Variants in BRDT observed in about 807,000 individuals in gnomAD.
The protein encoded by BRDT is bromodomain testis-specific protein.
Under a neutral mutation model 113.9 loss-of-function variants are expected in BRDT, and 77 were observed. The observed-to-expected ratio is 0.68, with a 90% CI of 0.56 to 0.82. The LOEUF is 0.82. Ranked by LOEUF, BRDT falls within the 40% of genes least tolerant of loss-of-function variation. The probability of loss-of-function intolerance (pLI) is 0.00; values close to 1 mark genes in which losing one functional copy is unlikely to be tolerated. For synonymous variants in BRDT, 358 were observed against 366.5 expected, an observed-to-expected ratio of 0.98 and a Z score of 0.26; for missense variants, 1,027 against 1,105.4, an observed-to-expected ratio of 0.93 and a Z score of 1.01.
rs1389686832 is a variant in BRDT at position 92,002,144 on chromosome 1, C to G, written c.2383C>G (p.Gln795Glu). The change falls in exon 16 of 19, where the codon CAG (glutamine) becomes GAG (glutamate). Residue 795 changes from glutamine (Q) to glutamate (E), a missense_variant. Coordinates refer to ENST00000399546, the MANE Select transcript of BRDT (RefSeq NM_207189.4). ...MLESECQAPV[Q>E]KDIKIKNADS... ...AGAATCTGAATGTCAAGCTCCTGTA[C>G]AGAAGGTAAAAGTAATTTTTTTTTT... is the stretch of plus-strand genomic sequence containing the variant. The G allele has an allele frequency of 6.2e-6, 10 of 1,608,990 alleles. No individual in the cohort carries two copies. Among genetic ancestry groups the G allele is most frequent in the Non-Finnish European group, 8.5e-6 (10 of 1,176,478 alleles).
chr1:91,961,368 G>T (rs1398727248), intron 1 of BRDT, among the ~76,000 whole-genome samples: 2 of 151,930 alleles, frequency 1.3e-5, no homozygotes, highest in East Asian at 3.9e-4. Context: ...AGTGGCTCAA[G>T]GCTGTAATCT....
intron 1 of BRDT, among the ~76,000 whole-genome samples, chr1:91,955,572 AAT>A (rs1308148131): frequency 1.3e-5 from 2 of 152,236 alleles, no homozygotes; most frequent in Non-Finnish European, 2.9e-5. Context: ...GGGAAAGTGA[AAT>A]AGTAAAATTG....
chr1:92,001,218 G>A (rs1404965332), intron 15 of BRDT, among the ~76,000 whole-genome samples: 1 of 152,170 alleles, frequency 6.6e-6, no homozygotes, highest in Non-Finnish European at 1.5e-5. Flanking sequence ...CCACCTCTAG[G>A]CTGGGCGCGT....
At chr1:91,963,579 A>G (rs1682733148) in intron 2 of BRDT, among the ~76,000 whole-genome samples, 3 of 152,166 alleles carry the variant, frequency 2.0e-5, no homozygotes, top group Non-Finnish European at 4.4e-5. Flanking sequence ...CATCACATAC[A>G]GAATTTGACT....
chr1:91,978,047 G>A, intron 6 of BRDT, 121 bp from the exon 7 acceptor site: 1 of 951,112 alleles, frequency 1.1e-6, no homozygotes, highest in Non-Finnish European at 1.5e-6. Flanking sequence ...GTCAAATCTG[G>A]ATGGTGGACA....
At chr1:91,958,834 T>G (rs918187677) in intron 1 of BRDT, among the ~76,000 whole-genome samples, 5 of 152,082 alleles carry the variant, frequency 3.3e-5, no homozygotes, top group Non-Finnish European at 7.4e-5. Flanking sequence ...GAGGGCAGAT[T>G]GCTTGAGCTC....
chr1:91,998,459 A>G (rs886275189), intron 15 of BRDT, among the ~76,000 whole-genome samples: 1 of 152,210 alleles, frequency 6.6e-6, no homozygotes, highest in African/African-American at 2.4e-5. Context: ...ACAAACCTGC[A>G]CATTCTGCGC....
At chr1:91,986,321 GAAA>G (rs572769233) in intron 12 of BRDT, among the ~76,000 whole-genome samples, 3 of 150,682 alleles carry the variant, frequency 2.0e-5, no homozygotes, top group African/African-American at 7.3e-5. Context: ...ATGATACTGA[GAAA>G]AAAAAATCAA....
At chr1:92,005,367 T>C in intron 18 of BRDT, 68 bp downstream of exon 18, 4 of 1,379,632 alleles carry the variant, frequency 2.9e-6, no homozygotes, top group Non-Finnish European at 3.8e-6. Flanking sequence ...CTGTCTTTTG[T>C]ATGTTCAAGG....
chr1:91,954,060 C>G (rs1380137292), intron 1 of BRDT, among the ~76,000 whole-genome samples: 1 of 152,084 alleles, frequency 6.6e-6, no homozygotes, highest in Non-Finnish European at 1.5e-5. Flanking sequence ...CAACCTCCCC[C>G]TCCGGGATTC....
intron 15 of BRDT, among the ~76,000 whole-genome samples, chr1:92,000,817 T>C (rs568756397): frequency 6.6e-6 from 1 of 152,336 alleles, no homozygotes; most frequent in South Asian, 2.1e-4. Context: ...CAAACTGATT[T>C]AATAAAGGAA....
intron 15 of BRDT, among the ~76,000 whole-genome samples, chr1:91,997,753 T>G (rs1016575825): frequency 1.3e-5 from 2 of 152,256 alleles, no homozygotes; most frequent in Non-Finnish European, 2.9e-5. Context: ...GTAGCTGTTC[T>G]TTTGCAGTTA....
intron 4 of BRDT, among the ~76,000 whole-genome samples, chr1:91,969,694 ATTATTGATCTTT>A (rs1446538351): frequency 7.9e-5 from 12 of 152,152 alleles, no homozygotes; most frequent in Middle Eastern, 3.2e-3. Flanking sequence ...GAAGGTAAAA[ATTATTGATCTTT>A]TTATTGATCT....
intron 1 of BRDT, among the ~76,000 whole-genome samples, chr1:91,959,523 C>T (rs1389366302): frequency 6.6e-6 from 1 of 151,562 alleles, no homozygotes. Flanking sequence ...CTGTGTCACC[C>T]AGGCTGGAGT....
intron 15 of BRDT, among the ~76,000 whole-genome samples, chr1:91,997,626 C>T (rs998223605): frequency 6.6e-6 from 1 of 152,194 alleles, no homozygotes; most frequent in Admixed American, 6.5e-5. Flanking sequence ...TATGAAAAGT[C>T]AGGCTTTTAA....
chr1:92,000,879 A>C lies in BRDT; in HGVS notation c.2288-1170A>C, dbSNP rs1686773684. On this transcript the variant is annotated intron_variant, in intron 15 of 18. Coordinates refer to ENST00000399546, the MANE Select transcript of BRDT (RefSeq NM_207189.4). ...CCAAAGATAGGTCAATCTTTTAGTC[A>C]TGGCTTGATAAGGGCTCACACTCTG... Among the ~76,000 whole-genome samples the C allele has an allele frequency of 2.0e-5, 3 of 152,216 alleles. No homozygotes were observed. In the South Asian group the frequency reaches 6.2e-4, roughly 31 times the overall value.
Position 91,962,306 on chromosome 1 carries a change from T to G in BRDT, c.-37-412T>G, listed in dbSNP as rs564237704. Among the ~76,000 whole-genome samples the G allele has an allele frequency of 2.8e-4, 37 of 131,390 alleles. 1 individual carries two copies. Among genetic ancestry groups the G allele is most frequent in the South Asian group, 2.7e-3 (12 of 4,528 alleles). The allele number at this position is 131,390 out of a possible 152,430, so 86.2% of individuals were successfully genotyped here. On this transcript the variant is annotated intron_variant, in intron 1 of 18. Transcript: ENST00000399546. Reference sequence around the variant, plus strand: ...GCTTTTTTTTTTTTTCATCCTGTCTTAATCATGATGTGCTTTAAAACACAG... The same window carrying G: ...GCTTTTTTTTTTTTTCATCCTGTCTGAATCATGATGTGCTTTAAAACACAG...
chr1:91,995,910 G>C (rs1686283314), intron 15 of BRDT, among the ~76,000 whole-genome samples: 1 of 151,976 alleles, frequency 6.6e-6, no homozygotes, highest in African/African-American at 2.4e-5. Context: ...TTCTGTGTTT[G>C]AATATTCCAT....
At chr1:91,999,453 CTGTT>C (rs1686641491) in intron 15 of BRDT, among the ~76,000 whole-genome samples, 1 of 152,192 alleles carries the variant, frequency 6.6e-6, no homozygotes, top group Non-Finnish European at 1.5e-5. Flanking sequence ...TCCCATCTGT[CTGTT>C]CCTTACAGAT....
Sources: gnomAD v4.1 joint callset for allele counts (sites outside exome capture counted in the v4.1 genomes callset) on GRCh38, gnomAD v4.1.1 for gene constraint, MANE v1.5 for transcripts, NCBI Gene and HGNC (gene_info 2026-07-23, HGNC 2026-07-21) for gene names.